SDK1: variants seen among roughly 807,000 people sequenced by gnomAD.
The protein encoded by SDK1 is protein sidekick-1.
SDK1 carries 157 observed loss-of-function variants against 245.5 expected under a neutral mutation model. The observed-to-expected ratio is 0.64, with a 90% CI of 0.56 to 0.73. The LOEUF (loss-of-function observed/expected upper bound fraction) is 0.73, where lower values mean the gene tolerates loss of function less well. Ranked by LOEUF, SDK1 falls within the 30% of genes least tolerant of loss-of-function variation. SDK1 has a pLI of 0.00. For missense variants in SDK1, 3,583 were observed against 3,002.3 expected, an observed-to-expected ratio of 1.19 and a Z score of -4.52; for synonymous variants, 1,647 against 1,278.5, an observed-to-expected ratio of 1.29 and a Z score of -6.15.
chr7:4,029,292 T>A (rs1787609297), intron 17 of SDK1, among the ~76,000 whole-genome samples: 1 of 147,402 alleles, frequency 6.8e-6, no homozygotes, highest in African/African-American at 2.6e-5. Flanking sequence ...GCTCACTGCA[T>A]CATCCACTTC....
chr7:4,113,187 A>G lies in SDK1; in HGVS notation c.3435-102A>G, dbSNP rs2128191353. 4 of 1,260,072 alleles carry G rather than the reference A, an allele frequency of 3.2e-6. No homozygotes were observed. In the South Asian group the frequency reaches 5.6e-5, roughly 18 times the overall value. The allele number at this position is 1,260,072 out of a possible 1,614,324, so 78.1% of individuals were successfully genotyped here. A position where few individuals can be genotyped will look rare whatever the true frequency, so the allele number is the denominator to read the frequency against. On this transcript the variant is annotated intron_variant, in intron 23 of 44. Coordinates refer to ENST00000404826, the MANE Select transcript of SDK1 (RefSeq NM_152744.4). ...GCCTTTATGATATGAGTAGACACCT[A>G]TCTGAGCCCTCCCTTGAGAAACAGT...
At position 4,175,848 on chromosome 7, in the gene SDK1, C is replaced by T. The variant is rs749581115; in HGVS notation, c.4996+14C>T. On this transcript the variant is annotated intron_variant, in intron 34 of 44. Coordinates refer to ENST00000404826, the MANE Select transcript of SDK1 (RefSeq NM_152744.4). ...GTGAACTAACACGTAAGTGCGCTCT[C>T]AGCGGGAGGCCCATGCCGCGAGGCG... 2.4e-5 allele frequency: 39 copies of T among 1,610,378 alleles called. No homozygotes were observed. Among genetic ancestry groups the T allele is most frequent in the African/African-American group, 1.2e-4 (9 of 74,918 alleles).
intron 1 of SDK1, among the ~76,000 whole-genome samples, chr7:3,556,891 C>T (rs186708030): frequency 2.0e-5 from 3 of 152,146 alleles, no homozygotes; most frequent in East Asian, 1.9e-4. Flanking sequence ...ACCCATACCC[C>T]GTTTACCCTG....
At chr7:3,874,499 G>A (rs967641176) in intron 5 of SDK1, among the ~76,000 whole-genome samples, 12 of 152,218 alleles carry the variant, frequency 7.9e-5, no homozygotes, top group African/African-American at 2.9e-4. Flanking sequence ...TCTGGGGCCT[G>A]AGGCTGTAGT....
At chr7:3,806,424 G>A (rs1779249363) in intron 4 of SDK1, among the ~76,000 whole-genome samples, 1 of 152,214 alleles carries the variant, frequency 6.6e-6, no homozygotes, top group African/African-American at 2.4e-5. Context: ...CCCACCACGA[G>A]AAGGCTCATG....
At chr7:3,646,106 C>T (rs571346028) in intron 4 of SDK1, among the ~76,000 whole-genome samples, 5 of 152,286 alleles carry the variant, frequency 3.3e-5, no homozygotes, top group Admixed American at 1.3e-4. Flanking sequence ...ATCCACCCAC[C>T]TCGGCCTCCC....
chr7:3,898,460 C>T (rs549696571), intron 5 of SDK1, among the ~76,000 whole-genome samples: 1 of 152,168 alleles, frequency 6.6e-6, no homozygotes, highest in African/African-American at 2.4e-5. Flanking sequence ...ATGATAAATA[C>T]AAGTCATCAT....
rs10251704 is a variant in SDK1 at position 4,074,192 on chromosome 7, A to G, written c.3011-2806A>G. ...CTATTCTGCAGGATAGTAAACTTTC[A>G]TCTTAGACTAAACTTCTTTGGTTGG... On this transcript the variant is annotated intron_variant, in intron 20 of 44. Coordinates refer to ENST00000404826, the MANE Select transcript of SDK1 (RefSeq NM_152744.4). Among the ~76,000 whole-genome samples, 385 of 152,110 alleles carry G rather than the reference A, an allele frequency of 2.5e-3. 1 individual carries two copies. The highest frequency in any genetic ancestry group is 8.6e-3 in the African/African-American group (357 of 41,468).
intron 4 of SDK1, among the ~76,000 whole-genome samples, chr7:3,683,592 C>G (rs931381781): frequency 2.0e-5 from 3 of 152,214 alleles, no homozygotes. Context: ...GTGGAGCAGC[C>G]CCGTTCCTCC....
intron 1 of SDK1, among the ~76,000 whole-genome samples, chr7:3,450,381 G>A (rs751481977): frequency 1.3e-5 from 2 of 152,188 alleles, no homozygotes; most frequent in African/African-American, 4.8e-5. Context: ...CCAGGATCTT[G>A]AAGATGAGTA....
In SDK1 at chr7:3,415,971, A is replaced by C. The variant is rs1779355752; in HGVS notation, c.298+114087A>C. On this transcript the variant is annotated intron_variant, in intron 1 of 44. Transcript: ENST00000404826. ...ACCTTCATATTCTGTTAGTGTTGTC[A>C]TAATATGAGGCTTGCAATTACCAGA... Among the ~76,000 whole-genome samples, 4 of 152,134 alleles carry C rather than the reference A, an allele frequency of 2.6e-5. No homozygotes were observed. In the South Asian group the frequency reaches 8.3e-4, roughly 32 times the overall value.
intron 4 of SDK1, among the ~76,000 whole-genome samples, chr7:3,737,607 G>T (rs574533504): frequency 6.6e-6 from 1 of 152,332 alleles, no homozygotes; most frequent in African/African-American, 2.4e-5. Flanking sequence ...TGCGCCTTCT[G>T]GTCAGGCAAC....
intron 19 of SDK1, among the ~76,000 whole-genome samples, chr7:4,054,322 C>T (rs1779069748): frequency 6.6e-6 from 1 of 152,198 alleles, no homozygotes; most frequent in Non-Finnish European, 1.5e-5. Flanking sequence ...GTACATTTAG[C>T]CCAGTTTCTG....
At chr7:4,162,030 A>C (rs1781168394) in intron 32 of SDK1, among the ~76,000 whole-genome samples, 174 bp downstream of exon 32, 1 of 152,106 alleles carries the variant, frequency 6.6e-6, no homozygotes, top group African/African-American at 2.4e-5. Flanking sequence ...GGTGTCAATT[A>C]TCATCTCGGT....
chr7:3,701,040 A>G (rs1363800130), intron 4 of SDK1, among the ~76,000 whole-genome samples: 1 of 152,190 alleles, frequency 6.6e-6, no homozygotes, highest in Non-Finnish European at 1.5e-5. Context: ...GTTGCCGCGC[A>G]GGGAGGAGGC....
At chr7:4,068,107 C>A (rs997558855) in intron 20 of SDK1, among the ~76,000 whole-genome samples, 171 bp downstream of exon 20, 1 of 152,160 alleles carries the variant, frequency 6.6e-6, no homozygotes, top group Non-Finnish European at 1.5e-5. Flanking sequence ...CTGGGACTGC[C>A]CCAGTGAGAG....
intron 1 of SDK1, among the ~76,000 whole-genome samples, chr7:3,539,208 C>T (rs140539902): frequency 2.6e-5 from 4 of 152,164 alleles, no homozygotes; most frequent in Non-Finnish European, 5.9e-5. Context: ...GGGGATCTCA[C>T]TTGGACCTAT....
At position 3,811,554 on chromosome 7, in the gene SDK1, G is replaced by C. The variant is rs542635856; in HGVS notation, c.714-9896G>C. Among the ~76,000 whole-genome samples, 10 of 152,268 alleles carry C rather than the reference G, an allele frequency of 6.6e-5. No homozygotes were observed. The South Asian group carries it at 2.1e-3, about 32-fold the overall frequency. Reference sequence around the variant, plus strand: ...TTCTTTGGGCTTTAATTCAGAGACCGACAATATGCACCCAGGCAGATGTCC... The same window carrying C: ...TTCTTTGGGCTTTAATTCAGAGACCCACAATATGCACCCAGGCAGATGTCC... On this transcript the variant is annotated intron_variant, in intron 4 of 44. Transcript: ENST00000404826.
At chr7:3,783,987 C>G (rs1780826195) in intron 4 of SDK1, among the ~76,000 whole-genome samples, 1 of 151,962 alleles carries the variant, frequency 6.6e-6, no homozygotes, top group African/African-American at 2.4e-5. Flanking sequence ...CAGCATGGGA[C>G]TGGCTGAAAC....
Sources: gnomAD v4.1 joint callset for allele counts (sites outside exome capture counted in the v4.1 genomes callset) on GRCh38, gnomAD v4.1.1 for gene constraint, MANE v1.5 for transcripts, NCBI Gene and HGNC (gene_info 2026-07-23, HGNC 2026-07-21) for gene names.